Variants in P4HA1 observed in about 807,000 individuals in gnomAD.
P4HA1 encodes the protein prolyl 4-hydroxylase subunit alpha 1, also known as prolyl 4-hydroxylase subunit alpha-1.
P4HA1 carries 24 observed loss-of-function variants against 72.8 expected under a neutral mutation model. That is an observed-to-expected ratio of 0.33 (90% CI 0.24 to 0.46). The LOEUF is 0.46. P4HA1 is among the 20% of genes least tolerant of loss of function. P4HA1 has a pLI of 1.00. For missense variants in P4HA1, 446 were observed against 640.6 expected, an observed-to-expected ratio of 0.70 and a Z score of 3.28; for synonymous variants, 201 against 218.8, an observed-to-expected ratio of 0.92 and a Z score of 0.72.
intron 9 of P4HA1, among the ~76,000 whole-genome samples, chr10:73,033,102 G>T (rs1840477961): frequency 6.6e-6 from 1 of 152,006 alleles, no homozygotes; most frequent in East Asian, 1.9e-4. Context: ...AACTAATCTG[G>T]TATATGTCAA....
At chr10:73,067,848 T>TTAC (rs1223211288) in intron 5 of P4HA1, among the ~76,000 whole-genome samples, 2 of 152,160 alleles carry the variant, frequency 1.3e-5, no homozygotes, top group African/African-American at 4.8e-5. Context: ...AGCACTCATC[T>TTAC]TACTATACTG....
chr10:73,029,395 G>A (rs1048582948), intron 10 of P4HA1, among the ~76,000 whole-genome samples: 1 of 132,398 alleles, frequency 7.6e-6, no homozygotes. Context: ...GGGCCACAGA[G>A]CCAGACTCAG....
intron 5 of P4HA1, among the ~76,000 whole-genome samples, chr10:73,053,850 T>C (rs1841073964): frequency 6.6e-6 from 1 of 151,808 alleles, no homozygotes; most frequent in Non-Finnish European, 1.5e-5. Context: ...CATACCAAAA[T>C]GAAACATCCA....
intron 10 of P4HA1, 41 bp from the exon 11 acceptor site, chr10:73,016,940 AG>A (rs1230609918): frequency 6.6e-7 from 1 of 1,517,576 alleles, no homozygotes; most frequent in African/African-American, 1.4e-5. Context: ...AGAACTATAA[AG>A]ATTACTATTC....
intron 5 of P4HA1, among the ~76,000 whole-genome samples, chr10:73,056,495 G>C (rs1369028637): frequency 6.6e-6 from 1 of 152,140 alleles, no homozygotes; most frequent in East Asian, 1.9e-4. Context: ...AGCCAGGCAT[G>C]GTGGCGGGTG....
chr10:73,048,757 G>C (rs1010479381), intron 7 of P4HA1, among the ~76,000 whole-genome samples: 1 of 152,104 alleles, frequency 6.6e-6, no homozygotes, highest in Non-Finnish European at 1.5e-5. Context: ...GAATTTTTAG[G>C]TGATAATGGT....
intron 3 of P4HA1, among the ~76,000 whole-genome samples, chr10:73,072,998 C>T (rs1589620484): frequency 1.3e-5 from 2 of 151,774 alleles, no homozygotes; most frequent in South Asian, 4.2e-4. Context: ...GGCAAAACCC[C>T]GTCTCTACTA....
At chr10:73,037,560 TATATATATA>T (rs1379657377) in intron 9 of P4HA1, among the ~76,000 whole-genome samples, 973 of 36,430 alleles carry the variant, frequency 0.027, 46 homozygotes, top group East Asian at 0.13. Context: ...TATATATATA[TATATATATA>T]TATTTTTTTT....
intron 10 of P4HA1, among the ~76,000 whole-genome samples, chr10:73,020,174 A>T (rs1163906942): frequency 3.9e-5 from 6 of 152,160 alleles, no homozygotes; most frequent in Non-Finnish European, 7.3e-5. Flanking sequence ...CAAAGAAAAA[A>T]GATCCAAATA....
At chr10:73,026,781 G>T (rs1394251349) in intron 10 of P4HA1, among the ~76,000 whole-genome samples, 2 of 152,084 alleles carry the variant, frequency 1.3e-5, no homozygotes, top group Non-Finnish European at 2.9e-5. Context: ...TCAAAAAGTG[G>T]GCAAAGGATA....
At chr10:73,056,857 G>A (rs1841159369) in intron 5 of P4HA1, among the ~76,000 whole-genome samples, 1 of 151,546 alleles carries the variant, frequency 6.6e-6, no homozygotes, top group Non-Finnish European at 1.5e-5. Flanking sequence ...TCAGGAGATT[G>A]AGACCATCCT....
At chr10:73,087,772 G>A (rs748940276) in intron 1 of P4HA1, among the ~76,000 whole-genome samples, 11 of 152,016 alleles carry the variant, frequency 7.2e-5, no homozygotes, top group Non-Finnish European at 1.5e-4. Context: ...GATTACAGAC[G>A]TGAGCCACCA....
At chr10:73,022,106 A>G (rs1360272486) in intron 10 of P4HA1, among the ~76,000 whole-genome samples, 2 of 152,222 alleles carry the variant, frequency 1.3e-5, no homozygotes, top group Non-Finnish European at 2.9e-5. Flanking sequence ...GCAGACTTAA[A>G]CGTCCCTGTC....
chr10:73,095,227 TAA>T lies in P4HA1; in HGVS notation c.-33+1537_-33+1538del, dbSNP rs35159575. Among the ~76,000 whole-genome samples the T allele has an allele frequency of 3.4e-3, 232 of 67,324 alleles. 1 individual carries two copies. The highest frequency in any genetic ancestry group is 0.013 in the South Asian group (30 of 2,248). 44.2% of individuals were successfully genotyped at this position (67,324 alleles called of 152,430 possible). On this transcript the variant is annotated intron_variant, in intron 1 of 14. Coordinates refer to ENST00000394890, the MANE Select transcript of P4HA1 (RefSeq NM_001017962.3). ...AGATTCTTAAATTACGCTCACAAGC[TAA>T]AAAAAAAAAAAAAAAAAAAAAAAAA... is the stretch of plus-strand genomic sequence containing the variant.
chr10:73,032,705 A>G (rs7076642), intron 9 of P4HA1, among the ~76,000 whole-genome samples: 24,254 of 152,216 alleles, frequency 0.16, 3,225 homozygotes, highest in African/African-American at 0.34. Flanking sequence ...TTCTTTAGAG[A>G]AGCTTTCCTT....
intron 5 of P4HA1, 87 bp downstream of exon 5, chr10:73,068,759 A>G: frequency 9.4e-7 from 1 of 1,069,344 alleles, no homozygotes; most frequent in Non-Finnish European, 1.4e-6. Flanking sequence ...CTTAAAATGC[A>G]AGTCTTTTTT....
intron 12 of P4HA1, among the ~76,000 whole-genome samples, chr10:73,011,928 A>C (rs1181219725): frequency 6.6e-6 from 1 of 152,210 alleles, no homozygotes; most frequent in East Asian, 1.9e-4. Flanking sequence ...TGATAAATAC[A>C]TAACTAATAG....
chr10:73,029,240 C>G (rs189286686), intron 10 of P4HA1, among the ~76,000 whole-genome samples: 378 of 151,668 alleles, frequency 2.5e-3, no homozygotes, highest in African/African-American at 8.7e-3. Context: ...GGTGAAACCC[C>G]GTCTCTACTA....
At position 73,030,426 on chromosome 10, in the gene P4HA1, A is replaced by G. The variant is rs545548943; in HGVS notation, c.1149-56T>C. 377 of 852,320 alleles carry G rather than the reference A, an allele frequency of 4.4e-4. 1 individual carries two copies. The highest frequency in any genetic ancestry group is 1.4e-4 in the Non-Finnish European group (77 of 551,802). The allele number at this position is 852,320 out of a possible 1,614,324, so 52.8% of individuals were successfully genotyped here. On this transcript the variant is annotated intron_variant, in intron 9 of 14. Coordinates refer to ENST00000394890, the MANE Select transcript of P4HA1 (RefSeq NM_001017962.3). ...ATAATGTTTCATTACATGGAGACTAATAGCTGTTATTTTTAAAGCCATAAT... is the reference window on the plus strand; with the variant it reads ...ATAATGTTTCATTACATGGAGACTAGTAGCTGTTATTTTTAAAGCCATAAT...
Sources: gnomAD v4.1 joint callset for allele counts (sites outside exome capture counted in the v4.1 genomes callset) on GRCh38, gnomAD v4.1.1 for gene constraint, MANE v1.5 for transcripts, NCBI Gene and HGNC (gene_info 2026-07-23, HGNC 2026-07-21) for gene names.